Variants in RHOA observed in about 807,000 individuals in gnomAD.
RHOA encodes transforming protein RhoA.
Under a neutral mutation model 17.5 loss-of-function variants are expected in RHOA, and 3 were observed. The observed-to-expected ratio is 0.17, with a 90% CI of 0.08 to 0.44. The LOEUF is 0.44. Ranked by LOEUF, RHOA falls within the 20% of genes least tolerant of loss-of-function variation. The probability of loss-of-function intolerance (pLI) is 0.99; values close to 1 mark genes in which losing one functional copy is unlikely to be tolerated. For synonymous variants in RHOA, 98 were observed against 88.4 expected, an observed-to-expected ratio of 1.11 and a Z score of -0.61; for missense variants, 56 against 242.3, an observed-to-expected ratio of 0.23 and a Z score of 5.10.
chr3:49,368,542 A>T lies in RHOA; in HGVS notation c.163T>A (p.Leu55Met). The T allele has an allele frequency of 6.2e-7, 1 of 1,613,974 alleles. No individual in the cohort carries two copies. ...DIEVDGKQVE[L>M]ALWDTAGQED... ...TGCCCAGCTGTGTCCCACAAAGCCA[A>T]CTCTACCTGTAATGGGAAAAACAAC... Residue 55 changes from leucine (L) to methionine (M), a missense_variant, in exon 3 of 5, where the codon TTG (leucine) becomes ATG (methionine). By Grantham distance (15) the Leu-to-Met change is conservative. Coordinates refer to ENST00000418115, the MANE Select transcript of RHOA (RefSeq NM_001664.4).
Position 49,360,065 on chromosome 3 carries a change from TTCTAAA to T in RHOA, c.*138_*143del. The T allele has an allele frequency of 1.0e-6, 1 of 969,120 alleles. No individual in the cohort carries two copies. Among genetic ancestry groups the T allele is most frequent in the Non-Finnish European group, 1.5e-6 (1 of 672,998 alleles). The allele number at this position is 969,120 out of a possible 1,614,324, so 60.0% of individuals were successfully genotyped here. A position where few individuals can be genotyped will look rare whatever the true frequency, so the allele number is the denominator to read the frequency against. ...GACATCGTTAATAATCATAGTTGGC[TTCTAAA>T]TACTGGTAGCAAGATGACTTCTGAT... On this transcript the variant is annotated 3_prime_UTR_variant, in exon 5 of 5. Transcript: ENST00000418115.
chr3:49,369,379 G>C (rs1489081302), intron 2 of RHOA, among the ~76,000 whole-genome samples: 2 of 151,488 alleles, frequency 1.3e-5, no homozygotes, highest in Non-Finnish European at 2.9e-5. Context: ...AATTATTTTA[G>C]GTTGAAATTT....
At chr3:49,386,334 CACT>C (rs1168498115) in intron 1 of RHOA, among the ~76,000 whole-genome samples, 1 of 152,132 alleles carries the variant, frequency 6.6e-6, no homozygotes, top group Non-Finnish European at 1.5e-5. Context: ...TGTCTCCCAC[CACT>C]ACTTTGTAGA....
chr3:49,408,269 CGTATATACGTATACACAA>C, intron 1 of RHOA, among the ~76,000 whole-genome samples: 1 of 52,764 alleles, frequency 1.9e-5, no homozygotes, highest in Non-Finnish European at 4.4e-5. Flanking sequence ...TACGTATACA[CGTATATACGTATACACAA>C]GTATATATAC....
At chr3:49,372,570 T>C (rs1445611742) in intron 2 of RHOA, among the ~76,000 whole-genome samples, 1 of 151,820 alleles carries the variant, frequency 6.6e-6, no homozygotes, top group African/African-American at 2.4e-5. Flanking sequence ...CTGTCTCTAC[T>C]AAAAATACAA....
chr3:49,381,247 A>G (rs978555202), intron 1 of RHOA, among the ~76,000 whole-genome samples: 6 of 151,954 alleles, frequency 3.9e-5, no homozygotes, highest in Non-Finnish European at 8.8e-5. Context: ...TCTACAAAAA[A>G]TATAAAAATA....
chr3:49,373,411 T>G (rs2048176806), intron 2 of RHOA: 1 of 159,520 alleles, frequency 6.3e-6, no homozygotes, highest in South Asian at 1.5e-4. Flanking sequence ...ATATCAAGTG[T>G]TAGCAGCATA....
intron 1 of RHOA, among the ~76,000 whole-genome samples, chr3:49,379,810 C>A (rs6446264): frequency 0.29 from 43,496 of 152,152 alleles, 6,759 homozygotes; most frequent in Middle Eastern, 0.32. Context: ...GCCACCGCAC[C>A]CAGCCCACAG....
In RHOA at chr3:49,409,034, C is replaced by T. The variant is rs371380599; in HGVS notation, c.-3+2786G>A. Among the ~76,000 whole-genome samples, 18 of 151,820 alleles carry T rather than the reference C, an allele frequency of 1.2e-4. No homozygotes were observed. The East Asian group carries it at 2.6e-3, about 22-fold the overall frequency. ...TGGTCTCCAGACCTCGTGATCCGCC[C>T]GCCTCGGCCTCCCAAAGTGCTGGGA... On this transcript the variant is annotated intron_variant, in intron 1 of 4. Coordinates refer to ENST00000418115, the MANE Select transcript of RHOA (RefSeq NM_001664.4).
At chr3:49,382,300 C>G (rs1414982729) in intron 1 of RHOA, among the ~76,000 whole-genome samples, 1 of 151,302 alleles carries the variant, frequency 6.6e-6, no homozygotes, top group African/African-American at 2.4e-5. Flanking sequence ...GCCTGGGTGA[C>G]AGAGAGAGAC....
intron 1 of RHOA, among the ~76,000 whole-genome samples, chr3:49,381,405 C>CAAA (rs34190698): frequency 7.5e-6 from 1 of 132,606 alleles, no homozygotes. Flanking sequence ...AACCCCGTCT[C>CAAA]AAAAAAAAAA....
At chr3:49,364,349 GT>G (rs1251624951) in intron 3 of RHOA, among the ~76,000 whole-genome samples, 1 of 152,174 alleles carries the variant, frequency 6.6e-6, no homozygotes, top group Non-Finnish European at 1.5e-5. Context: ...GCTGGGCGTG[GT>G]GGCACATGCC....
intron 1 of RHOA, among the ~76,000 whole-genome samples, chr3:49,393,674 CTCTGTGTGTG>C (rs1332105713): frequency 1.6e-3 from 7 of 4,354 alleles, no homozygotes; most frequent in African/African-American, 5.0e-3. Context: ...CAAATTCTCT[CTCTGTGTGTG>C]TGTGTGTGTG....
intron 1 of RHOA, among the ~76,000 whole-genome samples, chr3:49,386,489 C>A (rs1384857021): frequency 6.6e-6 from 1 of 152,172 alleles, no homozygotes; most frequent in African/African-American, 2.4e-5. Flanking sequence ...ATTTGTTCAA[C>A]GTCAGTCGCA....
At chr3:49,368,593 C>A (rs2107839095) in intron 2 of RHOA, 45 bp from the exon 3 acceptor site, 3 of 1,611,386 alleles carry the variant, frequency 1.9e-6, no homozygotes, top group Non-Finnish European at 2.5e-6. Flanking sequence ...TTAATCCCCC[C>A]ACCCACTTTT....
At chr3:49,383,219 G>A (rs540695442) in intron 1 of RHOA, among the ~76,000 whole-genome samples, 3 of 152,062 alleles carry the variant, frequency 2.0e-5, no homozygotes, top group East Asian at 1.9e-4. Context: ...AGATCACGAG[G>A]TCAGGAGATC....
intron 1 of RHOA, among the ~76,000 whole-genome samples, chr3:49,404,063 T>C (rs2048771252): frequency 6.6e-6 from 1 of 151,282 alleles, no homozygotes; most frequent in African/African-American, 2.4e-5. Flanking sequence ...ACTTTGGGAG[T>C]CTGAGGTGGG....
rs1227219417 is a variant in RHOA at position 49,408,384 on chromosome 3, C to T, written c.-3+3436G>A. Among the ~76,000 whole-genome samples, 5 of 152,064 alleles carry T rather than the reference C, an allele frequency of 3.3e-5. No homozygotes were observed. The East Asian group carries it at 9.6e-4, about 29-fold the overall frequency. Reference sequence around the variant, plus strand: ...AGCTAAGTTTGGCATAAACTGCATACTGATTGCAATTTAGCAAGAGTATTT... The same window carrying T: ...AGCTAAGTTTGGCATAAACTGCATATTGATTGCAATTTAGCAAGAGTATTT... On this transcript the variant is annotated intron_variant, in intron 1 of 4. Transcript: ENST00000418115.
At chr3:49,411,252 C>T (rs1328182733) in intron 1 of RHOA, among the ~76,000 whole-genome samples, 3 of 152,118 alleles carry the variant, frequency 2.0e-5, no homozygotes, top group Non-Finnish European at 4.4e-5. Context: ...AGATCATACC[C>T]CTAAGCGTTC....
Sources: gnomAD v4.1 joint callset for allele counts (sites outside exome capture counted in the v4.1 genomes callset) on GRCh38, gnomAD v4.1.1 for gene constraint, MANE v1.5 for transcripts, NCBI Gene and HGNC (gene_info 2026-07-23, HGNC 2026-07-21) for gene names.